The following GRB10 variants were observed in gnomAD, a reference collection of about 807,000 sequenced individuals.
The protein encoded by GRB10 is growth factor receptor-bound protein 10.
In GRB10, 20 loss-of-function variants were observed where a neutral mutation model predicts 80.9. The ratio of observed to expected loss-of-function variants is 0.25; its 90% CI spans 0.17 to 0.36. The LOEUF (loss-of-function observed/expected upper bound fraction) is 0.36, where lower values mean the gene tolerates loss of function less well. Among genes scored for constraint, GRB10 ranks in the 10% least tolerant of loss-of-function variants. The pLI is 1.00. For synonymous variants in GRB10, 291 were observed against 291.5 expected (o/e 1.00, Z 0.02); for missense variants, 548 against 747.7 (o/e 0.73, Z 3.12).
chr7:50,735,037 A>G (rs1043416939), intron 3 of GRB10, among the ~76,000 whole-genome samples: 3 of 152,260 alleles, frequency 2.0e-5, no homozygotes, highest in African/African-American at 7.2e-5. Context: ...GAGATGACAT[A>G]TGACATAATC....
intron 5 of GRB10, among the ~76,000 whole-genome samples, chr7:50,686,485 A>T (rs777166814): frequency 5.0e-4 from 76 of 152,358 alleles, no homozygotes; most frequent in Non-Finnish European, 6.9e-4. Flanking sequence ...ATTATTTTTG[A>T]GGTGCCTTCT....
chr7:50,713,027 GT>G (rs928041512), intron 4 of GRB10, among the ~76,000 whole-genome samples: 1 of 152,182 alleles, frequency 6.6e-6, no homozygotes, highest in African/African-American at 2.4e-5. Flanking sequence ...TGCCAAGTCA[GT>G]TTTGTTCCTG....
intron 4 of GRB10, among the ~76,000 whole-genome samples, chr7:50,716,081 G>A (rs1447052029): frequency 1.3e-5 from 2 of 152,210 alleles, no homozygotes; most frequent in African/African-American, 2.4e-5. Context: ...ATCTCCAGCT[G>A]AGGATTAATG....
chr7:50,732,351 T>G lies in GRB10; in HGVS notation c.-29A>C. ...TTCCTTCTGCCTTCTTCAAATTACATTTACTGCGCTGCAGCACCTGGAATA... is the reference window on the plus strand; with the variant it reads ...TTCCTTCTGCCTTCTTCAAATTACAGTTACTGCGCTGCAGCACCTGGAATA... On this transcript the variant is annotated 5_prime_UTR_variant, in exon 4 of 19. An upstream start codon of the reference 5' UTR is lost. Transcript: ENST00000401949. 1 of 1,604,094 alleles carries G rather than the reference T, an allele frequency of 6.2e-7. No homozygotes were observed. Among genetic ancestry groups the G allele is most frequent in the Non-Finnish European group, 8.5e-7 (1 of 1,171,152 alleles).
chr7:50,668,151 C>T (rs139677429), intron 7 of GRB10, among the ~76,000 whole-genome samples: 1 of 152,282 alleles, frequency 6.6e-6, no homozygotes, highest in East Asian at 1.9e-4. Context: ...TGCCATAATG[C>T]AGCCTGCTCC....
rs575195983 is a variant in GRB10 at position 50,767,647 on chromosome 7, A to T, written c.-216-11591T>A. Among the ~76,000 whole-genome samples the T allele has an allele frequency of 2.6e-5, 4 of 152,260 alleles. No homozygotes were observed. In the East Asian group the frequency reaches 7.7e-4, roughly 29 times the overall value. On this transcript the variant is annotated intron_variant, in intron 2 of 18. Coordinates refer to ENST00000401949, the MANE Select transcript of GRB10 (RefSeq NM_001350814.2). The stretch of plus-strand genomic sequence containing the variant: ...ACAAGAGTCCCTGCGGCTCCTGGCC[A>T]GCAGGGGGTACATTTCAGCTCCCAA...
chr7:50,787,268 C>CAGG (rs56235564), upstream of GRB10, among the ~76,000 whole-genome samples: 102,177 of 148,628 alleles, frequency 0.69, 37,248 homozygotes, highest in East Asian at 0.91. Context: ...CTCTGGAGAG[C>CAGG]AGGAGGAGGA....
chr7:50,708,497 A>C (rs1011946157), intron 4 of GRB10, among the ~76,000 whole-genome samples: 2 of 152,176 alleles, frequency 1.3e-5, no homozygotes, highest in African/African-American at 4.8e-5. Context: ...TCAGAGGCAA[A>C]CAGTGGCGCT....
chr7:50,717,106 G>A (rs1414624788), intron 4 of GRB10, among the ~76,000 whole-genome samples: 1 of 152,200 alleles, frequency 6.6e-6, no homozygotes, highest in Non-Finnish European at 1.5e-5. Flanking sequence ...TAGGAAAACT[G>A]AGTGAGATGA....
At chr7:50,670,346 A>C (rs2060231679) in intron 6 of GRB10, among the ~76,000 whole-genome samples, 1 of 152,092 alleles carries the variant, frequency 6.6e-6, no homozygotes, top group Non-Finnish European at 1.5e-5. Flanking sequence ...AGTTCTGGAG[A>C]TTGTACAACC....
intron 3 of GRB10, among the ~76,000 whole-genome samples, chr7:50,744,294 C>G (rs1019518766): frequency 1.3e-5 from 2 of 152,176 alleles, no homozygotes; most frequent in Non-Finnish European, 2.9e-5. Flanking sequence ...AGGGAGGGAG[C>G]AGTATCAGGT....
At chr7:50,693,112 CCAGT>C (rs1279989590) in intron 5 of GRB10, among the ~76,000 whole-genome samples, 4 of 152,174 alleles carry the variant, frequency 2.6e-5, no homozygotes, top group African/African-American at 9.7e-5. Context: ...TAACTTACCC[CCAGT>C]CAAAGAGCAT....
chr7:50,658,842 G>C (rs1250302167), intron 7 of GRB10, among the ~76,000 whole-genome samples: 1 of 152,190 alleles, frequency 6.6e-6, no homozygotes, highest in East Asian at 1.9e-4. Context: ...CTGCCTCGCT[G>C]CAATTGCATC....
intron 3 of GRB10, among the ~76,000 whole-genome samples, chr7:50,740,357 T>C (rs531436751): frequency 3.9e-4 from 60 of 152,216 alleles, no homozygotes; most frequent in Non-Finnish European, 8.1e-4. Flanking sequence ...CTCAGTCTTG[T>C]TCCCTGCCAT....
At position 50,704,535 on chromosome 7, in the gene GRB10, G is replaced by A. The variant is rs2064766961; in HGVS notation, c.52-627C>T. 2.0e-5 allele frequency among the ~76,000 whole-genome samples: 3 copies of A among 152,334 alleles called. No individual in the cohort carries two copies. The South Asian group carries it at 6.2e-4, about 32-fold the overall frequency. ...ATCAGTGACTAACTTGGGGTAGAGAGATGTCTGTTTTCTCTTATAGATTTA... is the reference window on the plus strand; with the variant it reads ...ATCAGTGACTAACTTGGGGTAGAGAAATGTCTGTTTTCTCTTATAGATTTA... On this transcript the variant is annotated intron_variant, in intron 4 of 18. Transcript: ENST00000401949.
intron 3 of GRB10, among the ~76,000 whole-genome samples, chr7:50,753,809 G>A (rs539988981): frequency 6.6e-6 from 1 of 152,368 alleles, no homozygotes; most frequent in Admixed American, 6.5e-5. Flanking sequence ...TTGGAATGCA[G>A]AGGCTGGGAA....
chr7:50,735,691 T>C (rs2070679157), intron 3 of GRB10, among the ~76,000 whole-genome samples: 1 of 152,200 alleles, frequency 6.6e-6, no homozygotes, highest in Admixed American at 6.5e-5. Flanking sequence ...TTAAAACTAA[T>C]AAAAACTAAT....
At chr7:50,758,385 T>C (rs1243823149) in intron 2 of GRB10, among the ~76,000 whole-genome samples, 1 of 152,240 alleles carries the variant, frequency 6.6e-6, no homozygotes, top group East Asian at 1.9e-4. Flanking sequence ...ACTTGAGATC[T>C]TAAAGAATAT....
At chr7:50,748,603 A>C (rs2073450177) in intron 3 of GRB10, among the ~76,000 whole-genome samples, 1 of 152,190 alleles carries the variant, frequency 6.6e-6, no homozygotes. Context: ...CTAAGCGCTG[A>C]CTTCCATTTT....
Sources: gnomAD v4.1 joint callset for allele counts (sites outside exome capture counted in the v4.1 genomes callset) on GRCh38, gnomAD v4.1.1 for gene constraint, MANE v1.5 for transcripts, NCBI Gene and HGNC (gene_info 2026-07-23, HGNC 2026-07-21) for gene names.